Variants in XRN1 observed in about 807,000 individuals in gnomAD.
The protein encoded by XRN1 is 5'-3' exoribonuclease 1.
Under a neutral mutation model 222.3 loss-of-function variants are expected in XRN1, and 67 were observed. The observed-to-expected ratio is 0.30, with a 90% CI of 0.25 to 0.37. XRN1 has a LOEUF of 0.37. Ranked by LOEUF, XRN1 falls within the 10% of genes least tolerant of loss-of-function variation. The pLI is 1.00. For missense variants in XRN1, 1,707 were observed against 2,000.2 expected, an observed-to-expected ratio of 0.85 and a Z score of 2.80; for synonymous variants, 643 against 652.4, an observed-to-expected ratio of 0.99 and a Z score of 0.22.
intron 15 of XRN1, among the ~76,000 whole-genome samples, chr3:142,406,366 A>G (rs2068339767): frequency 6.6e-6 from 1 of 152,186 alleles, no homozygotes; most frequent in African/African-American, 2.4e-5. Flanking sequence ...TGGATTAAAA[A>G]CCTAAACATT....
intron 25 of XRN1, among the ~76,000 whole-genome samples, chr3:142,372,197 G>C (rs2067009453): frequency 6.6e-6 from 1 of 152,154 alleles, no homozygotes; most frequent in African/African-American, 2.4e-5. Flanking sequence ...AGATACTCTA[G>C]CCTTGTGTAT....
At chr3:142,413,643 AC>A (rs1222281815) in intron 14 of XRN1, among the ~76,000 whole-genome samples, 1 of 152,254 alleles carries the variant, frequency 6.6e-6, no homozygotes, top group Non-Finnish European at 1.5e-5. Context: ...TCCTCCTGTT[AC>A]ATGAAATATG....
Position 142,347,218 on chromosome 3 carries a change from C to T in XRN1, c.3877+16G>A. On this transcript the variant is annotated intron_variant, in intron 33 of 40. Coordinates refer to ENST00000392981, the MANE Select transcript of XRN1 (RefSeq NM_001282857.2). ...AAGCAGCACACACAAGTACACCTTT[C>T]TAATTTAAAACTTACATTTTCTGTG... 3 of 1,542,600 alleles carry T rather than the reference C, an allele frequency of 1.9e-6. No individual in the cohort carries two copies. The highest frequency in any genetic ancestry group is 2.7e-6 in the Non-Finnish European group (3 of 1,121,506).
chr3:142,416,504 TAGAG>T (rs993042826), intron 13 of XRN1, among the ~76,000 whole-genome samples: 1 of 152,134 alleles, frequency 6.6e-6, no homozygotes, highest in African/African-American at 2.4e-5. Flanking sequence ...TTATTCTTGA[TAGAG>T]AATTTTTTAG....
At chr3:142,358,393 T>C (rs2066521692) in intron 30 of XRN1, among the ~76,000 whole-genome samples, 1 of 152,134 alleles carries the variant, frequency 6.6e-6, no homozygotes, top group Non-Finnish European at 1.5e-5. Flanking sequence ...TCTTTGAGAG[T>C]ATAATTTTCT....
chr3:142,386,897 T>C (rs1401247414), intron 20 of XRN1, among the ~76,000 whole-genome samples: 5 of 152,124 alleles, frequency 3.3e-5, no homozygotes, highest in Non-Finnish European at 7.4e-5. Flanking sequence ...CGTAAATTGA[T>C]ACAAAGAGTT....
In XRN1 at chr3:142,323,748, T is replaced by G. The variant is rs78192261; in HGVS notation, c.4405-4845A>C. 1.1e-4 allele frequency among the ~76,000 whole-genome samples: 16 copies of G among 152,130 alleles called. No homozygotes were observed. The East Asian group carries it at 3.1e-3, about 29-fold the overall frequency. ...ATCCTAGCACTTTGGGAAGCCAAGG[T>G]GGGAGGACTGCTTGAAGCCAGCCTG... On this transcript the variant is annotated intron_variant, in intron 37 of 40. Transcript: ENST00000392981.
chr3:142,321,174 C>T (rs1186038344), intron 37 of XRN1, among the ~76,000 whole-genome samples: 1 of 132,598 alleles, frequency 7.5e-6, no homozygotes, highest in Non-Finnish European at 1.5e-5. Flanking sequence ...GGCTGGAATG[C>T]AGTAGCGTGA....
chr3:142,320,096 T>C (rs2065312787), intron 37 of XRN1, among the ~76,000 whole-genome samples: 1 of 152,200 alleles, frequency 6.6e-6, no homozygotes, highest in Non-Finnish European at 1.5e-5. Flanking sequence ...TACCCAGAAG[T>C]GAGATTGCTG....
chr3:142,373,650 A>G (rs2067052023), intron 25 of XRN1, among the ~76,000 whole-genome samples: 1 of 152,228 alleles, frequency 6.6e-6, no homozygotes, highest in South Asian at 2.1e-4. Flanking sequence ...GGCTTTATCA[A>G]CAGCAATATG....
intron 33 of XRN1, among the ~76,000 whole-genome samples, chr3:142,343,285 C>T (rs2066048950): frequency 1.3e-5 from 2 of 151,994 alleles, no homozygotes; most frequent in Admixed American, 1.3e-4. Context: ...GAAACCCTGT[C>T]TCTACTAAAA....
In XRN1 at chr3:142,403,726, C is replaced by T. The variant is rs143558367; in HGVS notation, c.2051G>A (p.Arg684His). The T allele has an allele frequency of 4.6e-5, 75 of 1,613,124 alleles. No homozygotes were observed. Among genetic ancestry groups the T allele is most frequent in the African/African-American group, 2.3e-4 (17 of 74,888 alleles). The change falls in exon 18 of 41, where the codon CGT (arginine) becomes CAT (histidine). Residue 684 changes from arginine to histidine, a missense_variant. Physicochemically the swap from Arg to His is conservative, Grantham distance 29. Around this residue, in one of 2 missense-constraint regions of XRN1, gnomAD observed 1,234 missense variants for 1,518.2 expected, o/e 0.81. Coordinates refer to ENST00000392981, the MANE Select transcript of XRN1 (RefSeq NM_001282857.2). ...SGVQVFQQSS[R>H]GENMMLEILV... ...GATTTCCAACATCATGTTTTCTCCA[C>T]GACTGCTTTGCTGGAATACTTGAAC... is the stretch of plus-strand genomic sequence containing the variant.
intron 37 of XRN1, among the ~76,000 whole-genome samples, chr3:142,325,142 T>C (rs142805111): frequency 6.6e-6 from 1 of 152,218 alleles, no homozygotes; most frequent in Non-Finnish European, 1.5e-5. Context: ...ATTTCCATGC[T>C]GTATGTCCTT....
chr3:142,369,970 C>T (rs961702393), intron 27 of XRN1, among the ~76,000 whole-genome samples: 3 of 150,804 alleles, frequency 2.0e-5, no homozygotes, highest in African/African-American at 7.3e-5. Flanking sequence ...TTGCTTCAAT[C>T]TGGGAGGCGG....
At chr3:142,443,852 G>T (rs893968571) in intron 1 of XRN1, among the ~76,000 whole-genome samples, 6 of 152,174 alleles carry the variant, frequency 3.9e-5, no homozygotes, top group African/African-American at 1.4e-4. Flanking sequence ...ACAAATGAAT[G>T]GATAAAGAAA....
chr3:142,410,512 T>TTTTTTA (rs2068528808), intron 15 of XRN1, among the ~76,000 whole-genome samples: 2 of 140,604 alleles, frequency 1.4e-5, no homozygotes, highest in African/African-American at 5.4e-5. Flanking sequence ...TTTTTTTTTT[T>TTTTTTA]GAGATGGAGT....
At chr3:142,385,521 T>C (rs2067466463) in intron 20 of XRN1, among the ~76,000 whole-genome samples, 1 of 152,152 alleles carries the variant, frequency 6.6e-6, no homozygotes, top group Non-Finnish European at 1.5e-5. Flanking sequence ...AGATAAAAGT[T>C]TACTGGAACA....
intron 37 of XRN1, among the ~76,000 whole-genome samples, 154 bp from the exon 38 acceptor site, chr3:142,319,057 T>G (rs2065281121): frequency 1.3e-5 from 2 of 152,234 alleles, no homozygotes; most frequent in South Asian, 4.1e-4. Flanking sequence ...ATTTTCGAGT[T>G]GTTGCCTTAT....
Position 142,306,804 on chromosome 3 carries a change from C to G in XRN1, c.*4707G>C, listed in dbSNP as rs1179064978. The G allele has an allele frequency of 6.6e-6, 1 of 152,608 alleles. No homozygotes were observed. The highest frequency in any genetic ancestry group is 1.5e-5 in the Non-Finnish European group (1 of 68,032). 9.5% of individuals were successfully genotyped at this position (152,608 alleles called of 1,614,324 possible). A position where few individuals can be genotyped will look rare whatever the true frequency, so the allele number is the denominator to read the frequency against. ...TCCATTCCAATGCAAGTTTAAAACACTTTAATTGGCAGACAATGTAAAGAT... is the reference window on the plus strand; with the variant it reads ...TCCATTCCAATGCAAGTTTAAAACAGTTTAATTGGCAGACAATGTAAAGAT... On this transcript the variant is annotated 3_prime_UTR_variant, in exon 41 of 41. Coordinates refer to ENST00000392981, the MANE Select transcript of XRN1 (RefSeq NM_001282857.2).
Sources: allele counts gnomAD v4.1 joint callset (sites outside exome capture counted in the v4.1 genomes callset), GRCh38; gene constraint gnomAD v4.1.1; regional missense constraint gnomAD v4.1.1; transcripts MANE v1.5; gene names NCBI Gene and HGNC (gene_info 2026-07-23, HGNC 2026-07-21).